GABBR2: variants seen among roughly 807,000 people sequenced by gnomAD.
GABBR2 encodes gamma-aminobutyric acid type B receptor subunit 2, also known as G-protein coupled receptor 51.
A neutral mutation model predicts 105.6 loss-of-function variants in GABBR2; 23 were observed. The observed-to-expected ratio is 0.22, with a 90% confidence interval of 0.16 to 0.31. The LOEUF (loss-of-function observed/expected upper bound fraction) is 0.31. Among genes scored for constraint, GABBR2 ranks in the 10% least tolerant of loss-of-function variants. The pLI, the probability that GABBR2 is intolerant of heterozygous loss-of-function variation, is 1.00. For missense variants in GABBR2, 734 were observed against 1,245.5 expected (o/e 0.59, Z 6.18); for synonymous variants, 478 against 499.7 (o/e 0.96, Z 0.58).
chr9:98,575,751 G>C (rs1286289391), intron 2 of GABBR2, among the ~76,000 whole-genome samples: 1 of 152,188 alleles, frequency 6.6e-6, no homozygotes, highest in Non-Finnish European at 1.5e-5. Context: ...CAGGTGTGTG[G>C]TTAGGTTTGT....
intron 11 of GABBR2, among the ~76,000 whole-genome samples, chr9:98,372,948 A>ATTTTCT (rs111775866): frequency 4.6e-5 from 7 of 151,654 alleles, no homozygotes; most frequent in South Asian, 2.1e-4. Flanking sequence ...TTAGCCTTCT[A>ATTTTCT]TTTTCTTTTT....
At chr9:98,562,483 T>C (rs930847721) in intron 2 of GABBR2, among the ~76,000 whole-genome samples, 1 of 152,212 alleles carries the variant, frequency 6.6e-6, no homozygotes, top group Non-Finnish European at 1.5e-5. Context: ...TGTAAGAGGA[T>C]ATAATTGTCT....
At chr9:98,419,060 A>C (rs573357365) in intron 7 of GABBR2, among the ~76,000 whole-genome samples, 3 of 152,376 alleles carry the variant, frequency 2.0e-5, no homozygotes, top group African/African-American at 7.2e-5. Flanking sequence ...AATCTGTTGG[A>C]ATCTTCGCTT....
chr9:98,474,534 A>T (rs1826749147), intron 5 of GABBR2, among the ~76,000 whole-genome samples: 1 of 152,186 alleles, frequency 6.6e-6, no homozygotes. Flanking sequence ...TCCTCTGTGC[A>T]TTGATGGACT....
intron 1 of GABBR2, among the ~76,000 whole-genome samples, chr9:98,672,367 G>A (rs974880926): frequency 2.6e-5 from 4 of 152,180 alleles, no homozygotes; most frequent in Non-Finnish European, 5.9e-5. Context: ...GTTCATCCAT[G>A]TTGTAGCATG....
intron 1 of GABBR2, among the ~76,000 whole-genome samples, chr9:98,669,816 A>G (rs56699775): frequency 0.014 from 2,162 of 152,200 alleles, 55 homozygotes; most frequent in African/African-American, 0.05. Context: ...GGCACAGTCA[A>G]TGGGGCATGT....
chr9:98,479,758 A>G (rs963878849), intron 5 of GABBR2, among the ~76,000 whole-genome samples: 2 of 152,086 alleles, frequency 1.3e-5, no homozygotes, highest in Non-Finnish European at 2.9e-5. Flanking sequence ...GTAGACATGC[A>G]ATTTGAGGTC....
intron 12 of GABBR2, among the ~76,000 whole-genome samples, chr9:98,364,774 T>C (rs536324121): frequency 7.1e-4 from 108 of 152,250 alleles, no homozygotes; most frequent in African/African-American, 2.6e-3. Context: ...CTAATTTCTG[T>C]ATTTTTAGGA....
chr9:98,464,982 G>A (rs955723837), intron 6 of GABBR2, among the ~76,000 whole-genome samples: 2 of 152,030 alleles, frequency 1.3e-5, no homozygotes, highest in African/African-American at 4.8e-5. Context: ...AAACAGGGCC[G>A]AAGGCCGCAG....
Position 98,637,487 on chromosome 9 carries a change from T to C in GABBR2, c.322-59415A>G, listed in dbSNP as rs114044015. ...GGTTAGATGGCAATGGGGAATTAGA[T>C]TGAAGATAAAATTAAGGTTGCTAAT... On this transcript the variant is annotated intron_variant, in intron 1 of 18. Transcript: ENST00000259455. 8.7e-3 allele frequency among the ~76,000 whole-genome samples: 1,323 copies of C among 152,198 alleles called. 20 individuals carry two copies. The highest frequency in any genetic ancestry group is 0.03 in the African/African-American group (1,236 of 41,516).
chr9:98,524,092 G>C (rs1021410857), intron 3 of GABBR2, among the ~76,000 whole-genome samples: 3 of 152,148 alleles, frequency 2.0e-5, no homozygotes, highest in African/African-American at 7.2e-5. Flanking sequence ...GAGAAAATAT[G>C]TTACTAAATC....
intron 2 of GABBR2, among the ~76,000 whole-genome samples, chr9:98,565,244 C>T (rs1393094513): frequency 1.3e-5 from 2 of 150,180 alleles, no homozygotes; most frequent in East Asian, 3.9e-4. Context: ...GAAGGCCTGG[C>T]ACAGCTGCAA....
At chr9:98,614,107 T>A (rs1222009962) in intron 1 of GABBR2, among the ~76,000 whole-genome samples, 1 of 152,212 alleles carries the variant, frequency 6.6e-6, no homozygotes, top group Non-Finnish European at 1.5e-5. Context: ...TATGCTAAAG[T>A]GTTAAGGATA....
intron 5 of GABBR2, among the ~76,000 whole-genome samples, chr9:98,478,663 G>A (rs759158429): frequency 6.6e-6 from 1 of 152,206 alleles, no homozygotes; most frequent in Non-Finnish European, 1.5e-5. Flanking sequence ...CATGCCATCT[G>A]TTCAGAAGCA....
intron 1 of GABBR2, among the ~76,000 whole-genome samples, chr9:98,603,404 T>G (rs1010019101): frequency 1.3e-5 from 2 of 152,224 alleles, no homozygotes; most frequent in East Asian, 3.8e-4. Flanking sequence ...TATCGCTAAT[T>G]ACTTTTTAGG....
chr9:98,370,309 C>T (rs1466479182), intron 12 of GABBR2, among the ~76,000 whole-genome samples: 3 of 152,058 alleles, frequency 2.0e-5, no homozygotes, highest in Non-Finnish European at 1.5e-5. Context: ...AGCATTTCAC[C>T]TGCATCAAGA....
At chr9:98,688,583 G>A (rs1830649304) in intron 1 of GABBR2, among the ~76,000 whole-genome samples, 1 of 152,074 alleles carries the variant, frequency 6.6e-6, no homozygotes, top group Non-Finnish European at 1.5e-5. Flanking sequence ...ATTCACATTT[G>A]CTAGGACCTA....
chr9:98,426,779 T>C (rs1825701707), intron 7 of GABBR2, among the ~76,000 whole-genome samples: 1 of 152,162 alleles, frequency 6.6e-6, no homozygotes, highest in Non-Finnish European at 1.5e-5. Context: ...GGTGGGCAGA[T>C]CAACTTGAGG....
At chr9:98,502,076 C>T (rs1047750553) in intron 3 of GABBR2, among the ~76,000 whole-genome samples, 6 of 152,120 alleles carry the variant, frequency 3.9e-5, no homozygotes, top group Non-Finnish European at 5.9e-5. Context: ...ACACAACCTC[C>T]GTCCACACAC....
Sources: allele counts gnomAD v4.1 joint callset (sites outside exome capture counted in the v4.1 genomes callset), GRCh38; gene constraint gnomAD v4.1.1; transcripts MANE v1.5; gene names NCBI Gene and HGNC (gene_info 2026-07-23, HGNC 2026-07-21).